The following KIF26B variants were observed in gnomAD, a reference collection of about 807,000 sequenced individuals.
KIF26B encodes kinesin family member 26B.
In KIF26B, 63 loss-of-function variants were observed where a neutral mutation model predicts 151.2. The ratio of observed to expected loss-of-function variants is 0.42; its 90% CI spans 0.34 to 0.51. The LOEUF (loss-of-function observed/expected upper bound fraction) is 0.51, where lower values mean the gene tolerates loss of function less well. Among genes scored for constraint, KIF26B ranks in the 20% least tolerant of loss-of-function variants. The pLI is 0.07. For missense variants in KIF26B, 2,813 were observed against 2,913.6 expected, an observed-to-expected ratio of 0.97 and a Z score of 0.79; for synonymous variants, 1,357 against 1,262.1, an observed-to-expected ratio of 1.08 and a Z score of -1.59.
intron 3 of KIF26B, among the ~76,000 whole-genome samples, chr1:245,397,791 A>G (rs929772852): frequency 2.0e-5 from 3 of 152,176 alleles, no homozygotes; most frequent in Non-Finnish European, 2.9e-5. Flanking sequence ...AGCGGACATG[A>G]TTTTTATTGC....
At chr1:245,419,422 C>A (rs983969846) in intron 3 of KIF26B, among the ~76,000 whole-genome samples, 157 bp from the exon 4 acceptor site, 1 of 152,132 alleles carries the variant, frequency 6.6e-6, no homozygotes, top group Non-Finnish European at 1.5e-5. Context: ...TGGAAAATAG[C>A]CTTCCAGTAG....
At chr1:245,589,396 C>T (rs920523290) in intron 5 of KIF26B, among the ~76,000 whole-genome samples, 2 of 152,134 alleles carry the variant, frequency 1.3e-5, no homozygotes, top group African/African-American at 2.4e-5. Flanking sequence ...TCTGTATTTA[C>T]GTGCCTGCCA....
intron 4 of KIF26B, among the ~76,000 whole-genome samples, chr1:245,535,928 TCC>T (rs1381179939): frequency 2.6e-5 from 4 of 152,224 alleles, no homozygotes; most frequent in African/African-American, 7.2e-5. Flanking sequence ...TGCTTCATCT[TCC>T]TATGTGGAAA....
chr1:245,692,885 A>T (rs1244109750), intron 12 of KIF26B, among the ~76,000 whole-genome samples: 1 of 152,104 alleles, frequency 6.6e-6, no homozygotes, highest in African/African-American at 2.4e-5. Context: ...TGTATAGCCC[A>T]GAGCCAAGAA....
chr1:245,320,017 C>T (rs1301148231), intron 2 of KIF26B, among the ~76,000 whole-genome samples: 1 of 152,184 alleles, frequency 6.6e-6, no homozygotes, highest in Non-Finnish European at 1.5e-5. Flanking sequence ...TAGAATGTTG[C>T]CGTTAACAAA....
intron 4 of KIF26B, among the ~76,000 whole-genome samples, chr1:245,518,149 C>T (rs1408969346): frequency 6.6e-6 from 1 of 152,204 alleles, no homozygotes; most frequent in African/African-American, 2.4e-5. Flanking sequence ...AGATTACAGG[C>T]GTGAGCCACC....
chr1:245,325,121 A>G (rs113394371), intron 2 of KIF26B, among the ~76,000 whole-genome samples: 1,554 of 151,582 alleles, frequency 0.01, 32 homozygotes, highest in African/African-American at 0.036. Context: ...AGAAAAAAAG[A>G]AAAAAGAAAG....
chr1:245,506,830 A>G (rs944874801), intron 4 of KIF26B, among the ~76,000 whole-genome samples: 1 of 152,166 alleles, frequency 6.6e-6, no homozygotes, highest in African/African-American at 2.4e-5. Flanking sequence ...ACAACCATGT[A>G]ATTACACTCG....
At chr1:245,559,505 C>T (rs746120938) in intron 5 of KIF26B, among the ~76,000 whole-genome samples, 8 of 152,248 alleles carry the variant, frequency 5.3e-5, no homozygotes, top group Admixed American at 2.0e-4. Context: ...CCCCACCTCC[C>T]GGGTTCAAGC....
At chr1:245,328,651 G>A (rs1411460813) in intron 2 of KIF26B, among the ~76,000 whole-genome samples, 2 of 152,132 alleles carry the variant, frequency 1.3e-5, no homozygotes, top group African/African-American at 4.8e-5. Context: ...GCCTTTAGTT[G>A]GTTTATAAAG....
chr1:245,630,650 G>C (rs1429747710), intron 9 of KIF26B, among the ~76,000 whole-genome samples: 1 of 152,120 alleles, frequency 6.6e-6, no homozygotes. Flanking sequence ...TTAAAACCTA[G>C]ATGACAGTTT....
intron 4 of KIF26B, among the ~76,000 whole-genome samples, chr1:245,525,420 GA>G (rs1355883901): frequency 6.6e-6 from 1 of 152,184 alleles, no homozygotes; most frequent in Non-Finnish European, 1.5e-5. Flanking sequence ...AGGATAGAGA[GA>G]AAGCACAGTT....
intron 4 of KIF26B, among the ~76,000 whole-genome samples, chr1:245,511,346 C>T (rs147009127): frequency 2.0e-4 from 30 of 152,086 alleles, no homozygotes; most frequent in African/African-American, 6.0e-4. Flanking sequence ...CACAAACTAC[C>T]GACATAGAAG....
intron 12 of KIF26B, among the ~76,000 whole-genome samples, chr1:245,695,546 G>A (rs544854557): frequency 2.0e-5 from 3 of 152,300 alleles, no homozygotes; most frequent in African/African-American, 4.8e-5. Context: ...GTTCATTCGT[G>A]TGCAGGAAAA....
At chr1:245,653,290 A>T (rs901023898) in intron 10 of KIF26B, among the ~76,000 whole-genome samples, 1 of 152,124 alleles carries the variant, frequency 6.6e-6, no homozygotes, top group African/African-American at 2.4e-5. Flanking sequence ...ATCTTGCTAA[A>T]GGGGTAGAAG....
In KIF26B at chr1:245,218,465, G is replaced by A. The variant is rs764045702; in HGVS notation, c.465+61782G>A. On this transcript the variant is annotated intron_variant, in intron 2 of 14. Coordinates refer to ENST00000407071, the MANE Select transcript of KIF26B (RefSeq NM_018012.4). The surrounding 1 kb of genome is among the most constrained non-coding windows in gnomAD (Gnocchi z 4.1). ...TGAGAGATAAAAGAAGAGCAGAGGA[G>A]GGTGAGTGAGGAAAAAGCAGGAGGG... Among the ~76,000 whole-genome samples the A allele has an allele frequency of 6.6e-6, 1 of 152,222 alleles. No homozygotes were observed. Among genetic ancestry groups the A allele is most frequent in the Non-Finnish European group, 1.5e-5 (1 of 68,048 alleles).
At chr1:245,590,322 G>A (rs907654455) in intron 5 of KIF26B, among the ~76,000 whole-genome samples, 1 of 152,176 alleles carries the variant, frequency 6.6e-6, no homozygotes, top group African/African-American at 2.4e-5. Context: ...CGCGGGAGGG[G>A]ACGGCCAACG....
chr1:245,427,214 T>C (rs991541247), intron 4 of KIF26B, among the ~76,000 whole-genome samples: 3 of 152,180 alleles, frequency 2.0e-5, no homozygotes, highest in Admixed American at 6.5e-5. Flanking sequence ...TAGGCGTCAA[T>C]TGACTGTGGA....
In KIF26B at chr1:245,268,529, TA is replaced by T. The variant is rs67199541; in HGVS notation, c.466-98300del. 1.9e-3 allele frequency among the ~76,000 whole-genome samples: 233 copies of T among 121,258 alleles called. 2 individuals carry two copies. Among genetic ancestry groups the T allele is most frequent in the African/African-American group, 5.7e-3 (179 of 31,496 alleles). 79.5% of individuals were successfully genotyped at this position (121,258 alleles called of 152,430 possible). A position where few individuals can be genotyped will look rare whatever the true frequency, so the allele number is the denominator to read the frequency against. On this transcript the variant is annotated intron_variant, in intron 2 of 14. Transcript: ENST00000407071. ...AATAATAATAATAAAGTTTTTTTTTTAAAAATTGGGATTTTAGACCAATGTG... is the reference window on the plus strand; with the variant it reads ...AATAATAATAATAAAGTTTTTTTTTTAAAATTGGGATTTTAGACCAATGTG...
Sources: allele counts gnomAD v4.1 joint callset (sites outside exome capture counted in the v4.1 genomes callset), GRCh38; gene constraint gnomAD v4.1.1; non-coding constraint Gnocchi (gnomAD v3.1); transcripts MANE v1.5; gene names NCBI Gene and HGNC (gene_info 2026-07-23, HGNC 2026-07-21).